NKAIN3: variants seen among roughly 807,000 people sequenced by gnomAD.
The protein encoded by NKAIN3 is sodium/potassium transporting ATPase interacting 3.
Under a neutral mutation model 30.2 loss-of-function variants are expected in NKAIN3, and 25 were observed. The observed-to-expected ratio is 0.83, with a 90% CI of 0.60 to 1.16. The LOEUF (loss-of-function observed/expected upper bound fraction) is 1.16. Among genes scored for constraint, NKAIN3 ranks in the 50% most tolerant of loss-of-function variants. The pLI is 0.00. For missense variants in NKAIN3, 225 were observed against 254.1 expected (o/e 0.89, Z 0.78); for synonymous variants, 91 against 89.6 (o/e 1.02, Z -0.09).
intron 2 of NKAIN3, among the ~76,000 whole-genome samples, chr8:62,588,620 A>C (rs547442849): frequency 6.6e-6 from 1 of 151,922 alleles, no homozygotes; most frequent in African/African-American, 2.4e-5. Context: ...ACAGAGTCTA[A>C]ATTTTATAAT....
intron 1 of NKAIN3, among the ~76,000 whole-genome samples, chr8:62,506,229 G>GT (rs1807631752): frequency 6.3e-5 from 1 of 15,868 alleles, no homozygotes; most frequent in Admixed American, 6.5e-4. Context: ...TGAGAATATT[G>GT]GGGGGGGGGA....
At chr8:62,663,706 C>G (rs190174894) in intron 3 of NKAIN3, among the ~76,000 whole-genome samples, 1 of 152,334 alleles carries the variant, frequency 6.6e-6, no homozygotes, top group East Asian at 1.9e-4. Context: ...ATAACATCAT[C>G]TCCCTACTTC....
chr8:62,513,010 TTGC>T (rs1158600120), intron 1 of NKAIN3, among the ~76,000 whole-genome samples: 2 of 152,074 alleles, frequency 1.3e-5, no homozygotes, highest in Non-Finnish European at 2.9e-5. Context: ...ATCACATTAT[TTGC>T]TTCCCTACTG....
intron 1 of NKAIN3, among the ~76,000 whole-genome samples, chr8:62,454,336 A>T (rs13275169): frequency 6.7e-6 from 1 of 148,646 alleles, no homozygotes; most frequent in Admixed American, 6.7e-5. Flanking sequence ...TGAAAATCTC[A>T]TAATGTTTTA....
intron 4 of NKAIN3, among the ~76,000 whole-genome samples, chr8:62,909,073 T>A (rs1176337915): frequency 6.6e-6 from 1 of 152,166 alleles, no homozygotes; most frequent in African/African-American, 2.4e-5. Context: ...ATTTCAGGGA[T>A]GACTCAATTT....
At position 62,765,262 on chromosome 8, in the gene NKAIN3, A is replaced by AAAAAAG. The variant is rs1554575779; in HGVS notation, c.471+18137_471+18138insAGAAAA. ...ACTCCATCTCAAAAAAAAAAAAAAAAAAAAGAAAAGAAAAGAAAAGAAAAG... is the reference window on the plus strand; with the variant it reads ...ACTCCATCTCAAAAAAAAAAAAAAAAAAAAAGAAAAGAAAAGAAAAGAAAAGAAAAG... On this transcript the variant is annotated intron_variant, in intron 4 of 6. Transcript: ENST00000623646. Among the ~76,000 whole-genome samples, 30 of 137,590 alleles carry AAAAAAG rather than the reference A, an allele frequency of 2.2e-4. 1 individual carries two copies. Among genetic ancestry groups the AAAAAAG allele is most frequent in the Non-Finnish European group, 3.8e-4 (25 of 65,866 alleles). 90.3% of individuals were successfully genotyped at this position (137,590 alleles called of 152,430 possible). A position where few individuals can be genotyped will look rare whatever the true frequency, so the allele number is the denominator to read the frequency against.
chr8:62,969,373 TCTG>T lies in NKAIN3; in HGVS notation c.*3969_*3971del, dbSNP rs1023964233. ...CAAATCTGAAGAAAACAATCATGAC[TCTG>T]CTAATTTGAGAAGCAAAAACCAAAA... is the stretch of plus-strand genomic sequence containing the variant. On this transcript the variant is annotated 3_prime_UTR_variant, in exon 7 of 7. Coordinates refer to ENST00000623646, the MANE Select transcript of NKAIN3 (RefSeq NM_001304533.3). 3.9e-5 allele frequency among the ~76,000 whole-genome samples: 6 copies of T among 152,224 alleles called. No individual in the cohort carries two copies. The highest frequency in any genetic ancestry group is 8.8e-5 in the Non-Finnish European group (6 of 68,044).
intron 3 of NKAIN3, among the ~76,000 whole-genome samples, chr8:62,688,416 A>G (rs1252088346): frequency 2.0e-5 from 3 of 152,204 alleles, no homozygotes; most frequent in Non-Finnish European, 2.9e-5. Context: ...TTGTTGTAGT[A>G]GATGTTTGCT....
chr8:62,871,207 C>T (rs1362211771), intron 4 of NKAIN3, among the ~76,000 whole-genome samples: 1 of 151,796 alleles, frequency 6.6e-6, no homozygotes, highest in East Asian at 1.9e-4. Context: ...TTGAGACCAG[C>T]CTGGCCAACA....
intron 1 of NKAIN3, among the ~76,000 whole-genome samples, chr8:62,317,836 G>T (rs1297936745): frequency 6.6e-6 from 1 of 152,138 alleles, no homozygotes; most frequent in Non-Finnish European, 1.5e-5. Context: ...AGCTTGATGG[G>T]CATGGCATTG....
intron 4 of NKAIN3, among the ~76,000 whole-genome samples, chr8:62,908,967 G>A (rs1256660966): frequency 6.6e-6 from 1 of 152,166 alleles, no homozygotes; most frequent in African/African-American, 2.4e-5. Flanking sequence ...TTCAAGCCCA[G>A]CAATCCTCTC....
At chr8:62,853,521 T>C (rs2130777952) in intron 4 of NKAIN3, among the ~76,000 whole-genome samples, 1 of 152,292 alleles carries the variant, frequency 6.6e-6, no homozygotes, top group South Asian at 2.1e-4. Flanking sequence ...TCTCTGATGG[T>C]TGTTTGTATG....
rs578233808 is a variant in NKAIN3, at chr8:62,249,556, G to A, written c.54+429G>A. On this transcript the variant is annotated intron_variant, in intron 1 of 6. Coordinates refer to ENST00000623646, the MANE Select transcript of NKAIN3 (RefSeq NM_001304533.3). ...CAGGAATGTTGCTTAATTACACTGT[G>A]TGGGAATGCCCAGGTTCTGAGGAGA... Among the ~76,000 whole-genome samples, 28 of 152,374 alleles carry A rather than the reference G, an allele frequency of 1.8e-4. No individual in the cohort carries two copies. In the East Asian group the frequency reaches 3.1e-3, roughly 17 times the overall value.
intron 1 of NKAIN3, among the ~76,000 whole-genome samples, chr8:62,410,182 A>G (rs995228274): frequency 2.6e-5 from 4 of 151,912 alleles, no homozygotes; most frequent in African/African-American, 9.7e-5. Context: ...GGTCCCACTT[A>G]TAAGTGAGAA....
At chr8:62,704,575 A>C (rs1814457402) in intron 3 of NKAIN3, among the ~76,000 whole-genome samples, 1 of 152,154 alleles carries the variant, frequency 6.6e-6, no homozygotes, top group Non-Finnish European at 1.5e-5. Context: ...AAAGCTCTTA[A>C]TACGTGCTGT....
At chr8:62,873,513 A>G (rs180985274) in intron 4 of NKAIN3, among the ~76,000 whole-genome samples, 44 of 148,448 alleles carry the variant, frequency 3.0e-4, no homozygotes, top group African/African-American at 1.1e-3. Context: ...AGAATTCTCT[A>G]CCCCAAAACA....
intron 2 of NKAIN3, among the ~76,000 whole-genome samples, chr8:62,589,198 T>C (rs529620178): frequency 3.1e-3 from 464 of 151,910 alleles, no homozygotes; most frequent in African/African-American, 0.01. Context: ...ATATTTTTAT[T>C]ATATGATCAT....
At chr8:62,864,056 T>A (rs1173822182) in intron 4 of NKAIN3, 1 of 689,572 alleles carries the variant, frequency 1.5e-6, no homozygotes, top group South Asian at 1.6e-5. Flanking sequence ...TGGGCCTGAA[T>A]GGGCAACACT....
intron 1 of NKAIN3, among the ~76,000 whole-genome samples, chr8:62,397,303 CT>C (rs796641805): frequency 1.0e-4 from 15 of 150,678 alleles, no homozygotes; most frequent in African/African-American, 2.9e-4. Flanking sequence ...TAAAATTCAC[CT>C]TTTTTTTTCT....
Sources: allele counts gnomAD v4.1 joint callset (sites outside exome capture counted in the v4.1 genomes callset), GRCh38; gene constraint gnomAD v4.1.1; transcripts MANE v1.5; gene names NCBI Gene and HGNC (gene_info 2026-07-23, HGNC 2026-07-21).